Variants in NAV2 observed in about 807,000 individuals in gnomAD.
The protein encoded by NAV2 is helicase, APC down-regulated 1.
In NAV2, 54 loss-of-function variants were observed where a neutral mutation model predicts 223.2. The observed-to-expected ratio is 0.24, with a 90% CI of 0.19 to 0.30. The LOEUF is 0.30. NAV2 is among the 10% of genes least tolerant of loss of function. The pLI is 1.00. For synonymous variants in NAV2, 1,279 were observed against 1,239.3 expected, an observed-to-expected ratio of 1.03 and a Z score of -0.67; for missense variants, 2,806 against 3,147.5, an observed-to-expected ratio of 0.89 and a Z score of 2.60.
intron 1 of NAV2, among the ~76,000 whole-genome samples, chr11:19,648,008 C>G (rs1464595452): frequency 1.3e-5 from 2 of 152,156 alleles, no homozygotes; most frequent in Non-Finnish European, 2.9e-5. Context: ...TGATGTGGGA[C>G]AGGCTTCTCT....
intron 1 of NAV2, among the ~76,000 whole-genome samples, chr11:19,799,762 G>A (rs534697896): frequency 6.6e-6 from 1 of 152,078 alleles, no homozygotes; most frequent in African/African-American, 2.4e-5. Flanking sequence ...TCAAGTGTGC[G>A]GGTGCTTTTC....
chr11:19,638,378 C>G lies in NAV2; in HGVS notation c.76-194106C>G, dbSNP rs534803637. 3.3e-5 allele frequency among the ~76,000 whole-genome samples: 5 copies of G among 152,346 alleles called. No individual in the cohort carries two copies. The East Asian group carries it at 9.6e-4, about 29-fold the overall frequency. On this transcript the variant is annotated intron_variant, in intron 1 of 37. Transcript: ENST00000360655. ...AAAGCAACCTTTGTGCTTGAGAAAG[C>G]AGAACTTTCTGGAAGCAATAATGTG...
intron 1 of NAV2, among the ~76,000 whole-genome samples, chr11:19,403,393 G>A (rs1234132221): frequency 6.6e-6 from 1 of 152,180 alleles, no homozygotes; most frequent in Admixed American, 6.5e-5. Flanking sequence ...CGGCACTCTT[G>A]CCAGGTCTGG....
intron 1 of NAV2, among the ~76,000 whole-genome samples, chr11:19,779,840 T>C (rs2056597950): frequency 6.6e-6 from 1 of 152,176 alleles, no homozygotes; most frequent in South Asian, 2.1e-4. Flanking sequence ...AAAACAAACC[T>C]TTCTTACCTT....
intron 1 of NAV2, among the ~76,000 whole-genome samples, chr11:19,680,689 G>A (rs768150832): frequency 6.6e-6 from 1 of 152,190 alleles, no homozygotes; most frequent in Non-Finnish European, 1.5e-5. Flanking sequence ...GCAAAATGGG[G>A]ATAATAATGC....
chr11:19,948,957 T>G lies in NAV2; in HGVS notation c.2522T>G (p.Val841Gly). The change falls in exon 10 of 38, where the codon GTG (valine) becomes GGG (glycine). Residue 841 changes from valine (V) to glycine (G), a missense_variant. Physicochemically the swap from Val to Gly is moderately radical, Grantham distance 109. Transcript: ENST00000349880. ...LASRGSSVCH[V>G]DVSDKAGDEM... is the part of the protein sequence containing the mutation. ...TCCCGGGGCAGTAGTGTCTGCCATG[T>G]GGACGTCTCAGACAAGGCAGGAGAT... 1 of 1,613,950 alleles carries G rather than the reference T, an allele frequency of 6.2e-7. No homozygotes were observed. Among genetic ancestry groups the G allele is most frequent in the African/African-American group, 1.3e-5 (1 of 75,032 alleles).
intron 1 of NAV2, among the ~76,000 whole-genome samples, chr11:19,440,525 G>A (rs1270220598): frequency 6.6e-6 from 1 of 152,162 alleles, no homozygotes; most frequent in East Asian, 1.9e-4. Context: ...TTATGCTCCT[G>A]GCTGATTGTC....
intron 1 of NAV2, among the ~76,000 whole-genome samples, chr11:19,644,583 G>A (rs1462001544): frequency 2.0e-5 from 3 of 152,210 alleles, no homozygotes; most frequent in Non-Finnish European, 2.9e-5. Flanking sequence ...TCCCTCAGCC[G>A]TGGATCACAG....
intron 22 of NAV2, among the ~76,000 whole-genome samples, chr11:20,069,006 C>T (rs968996313): frequency 6.6e-6 from 1 of 151,698 alleles, no homozygotes; most frequent in African/African-American, 2.4e-5. Context: ...AACATGATAA[C>T]TGTTAAGATA....
At chr11:19,364,044 C>A (rs1011952528) in intron 1 of NAV2, among the ~76,000 whole-genome samples, 1 of 152,170 alleles carries the variant, frequency 6.6e-6, no homozygotes, top group Non-Finnish European at 1.5e-5. Flanking sequence ...TTAACTCAAT[C>A]TCCAGCCCCT....
At chr11:19,775,644 A>G (rs535077648) in intron 1 of NAV2, among the ~76,000 whole-genome samples, 36 of 152,342 alleles carry the variant, frequency 2.4e-4, no homozygotes, top group African/African-American at 8.2e-4. Context: ...AGGCAAAACA[A>G]TGACGATGAG....
chr11:19,557,079 T>C (rs1565047266), intron 1 of NAV2, among the ~76,000 whole-genome samples: 2 of 152,214 alleles, frequency 1.3e-5, no homozygotes, highest in Admixed American at 1.3e-4. Context: ...AATTTTAAAA[T>C]TAAATAAGCA....
At chr11:19,871,953 T>G (rs991299595) in intron 4 of NAV2, among the ~76,000 whole-genome samples, 2 of 152,128 alleles carry the variant, frequency 1.3e-5, no homozygotes, top group Non-Finnish European at 2.9e-5. Flanking sequence ...CCTTTCTCCA[T>G]GATCATCAAA....
chr11:19,558,965 C>A (rs1199252924), intron 1 of NAV2, among the ~76,000 whole-genome samples: 1 of 152,210 alleles, frequency 6.6e-6, no homozygotes, highest in East Asian at 1.9e-4. Flanking sequence ...CGTTCCCAGC[C>A]TCTTACCGCC....
chr11:19,742,502 G>C (rs1406112316), intron 1 of NAV2, among the ~76,000 whole-genome samples: 1 of 152,204 alleles, frequency 6.6e-6, no homozygotes, highest in Non-Finnish European at 1.5e-5. Context: ...GGTTTGCAAG[G>C]AAGACTCATG....
intron 12 of NAV2, 155 bp from the exon 13 acceptor site, chr11:20,043,826 A>G: frequency 1.6e-6 from 1 of 614,978 alleles, no homozygotes; most frequent in Non-Finnish European, 2.8e-6. Context: ...CAGTCTTTCT[A>G]ACAAGATAAC....
chr11:19,790,176 G>A (rs1327977129), intron 1 of NAV2, among the ~76,000 whole-genome samples: 1 of 152,150 alleles, frequency 6.6e-6, no homozygotes, highest in Non-Finnish European at 1.5e-5. Context: ...TTGAGGAAGG[G>A]CCTGGTCAGT....
chr11:19,965,568 G>T (rs2048704217), intron 10 of NAV2, among the ~76,000 whole-genome samples: 1 of 152,082 alleles, frequency 6.6e-6, no homozygotes, highest in Admixed American at 6.6e-5. Context: ...TTCACTAATT[G>T]CCTTTCTTCT....
chr11:19,404,816 C>T (rs553218138), intron 1 of NAV2, among the ~76,000 whole-genome samples: 2 of 152,282 alleles, frequency 1.3e-5, no homozygotes, highest in South Asian at 2.1e-4. Flanking sequence ...AAATTTTAAA[C>T]GCACACTCCT....
Sources: allele counts gnomAD v4.1 joint callset (sites outside exome capture counted in the v4.1 genomes callset), GRCh38; gene constraint gnomAD v4.1.1; transcripts MANE v1.5; gene names NCBI Gene and HGNC (gene_info 2026-07-23, HGNC 2026-07-21).